The following BCAS3 variants were observed in gnomAD, a reference collection of about 807,000 sequenced individuals.
The protein encoded by BCAS3 is BCAS4/BCAS3 fusion.
A neutral mutation model predicts 116.1 loss-of-function variants in BCAS3; 53 were observed. That is an observed-to-expected ratio of 0.46 (90% CI 0.37 to 0.57). The LOEUF (loss-of-function observed/expected upper bound fraction) is 0.57, where lower values mean the gene tolerates loss of function less well. Ranked by LOEUF, BCAS3 falls within the 20% of genes least tolerant of loss-of-function variation. The pLI, the probability that BCAS3 is intolerant of heterozygous loss-of-function variation, is 0.00. For synonymous variants in BCAS3, 391 were observed against 408.2 expected, an observed-to-expected ratio of 0.96 and a Z score of 0.51; for missense variants, 917 against 1,165.4, an observed-to-expected ratio of 0.79 and a Z score of 3.10.
chr17:60,948,399 T>C (rs548511040), intron 14 of BCAS3, among the ~76,000 whole-genome samples: 39 of 152,108 alleles, frequency 2.6e-4, no homozygotes, highest in Non-Finnish European at 5.1e-4. Flanking sequence ...GCTGGGATTA[T>C]AGGCATGAGC....
At chr17:60,882,534 G>T (rs1180255217) in intron 9 of BCAS3, among the ~76,000 whole-genome samples, 1 of 152,208 alleles carries the variant, frequency 6.6e-6, no homozygotes, top group Non-Finnish European at 1.5e-5. Flanking sequence ...TGTCCTGAAT[G>T]GTCATGCCTA....
chr17:61,154,188 G>C (rs892694965), intron 22 of BCAS3, among the ~76,000 whole-genome samples: 1 of 152,002 alleles, frequency 6.6e-6, no homozygotes, highest in Non-Finnish European at 1.5e-5. Flanking sequence ...TGTCCTTTGA[G>C]GAAGGAAGGA....
At position 61,222,577 on chromosome 17, in the gene BCAS3, C is replaced by T. The variant is rs996016571; in HGVS notation, c.2425+138013C>T. ...ACATTTTTCTGTGAAATCTCAGGCT[C>T]CTGCCTCATGTCTCTGTAGCTTAGT... On this transcript the variant is annotated intron_variant, in intron 22 of 23. Transcript: ENST00000407086. This position sits in a 1 kb window ranked among gnomAD's most constrained non-coding sequence, Gnocchi z 6.1. Among the ~76,000 whole-genome samples, 3 of 152,118 alleles carry T rather than the reference C, an allele frequency of 2.0e-5. No homozygotes were observed. The highest frequency in any genetic ancestry group is 7.2e-5 in the African/African-American group (3 of 41,434).
chr17:60,818,319 G>T (rs1473767404), intron 7 of BCAS3, among the ~76,000 whole-genome samples: 3 of 152,322 alleles, frequency 2.0e-5, no homozygotes, highest in East Asian at 3.9e-4. Context: ...TCATGGAGTG[G>T]TATGTGGAAA....
chr17:61,157,785 A>G (rs2077946938), intron 22 of BCAS3, among the ~76,000 whole-genome samples: 1 of 152,134 alleles, frequency 6.6e-6, no homozygotes, highest in Admixed American at 6.5e-5. Context: ...ACAAACGGAC[A>G]CTGTTTCTCC....
chr17:60,758,019 C>T (rs1218420508), intron 6 of BCAS3, among the ~76,000 whole-genome samples: 1 of 152,012 alleles, frequency 6.6e-6, no homozygotes, highest in African/African-American at 2.4e-5. Flanking sequence ...AAGGTCTTTT[C>T]CCTTGTGTAT....
At chr17:60,693,124 C>T (rs1285463456) in intron 4 of BCAS3, among the ~76,000 whole-genome samples, 2 of 151,630 alleles carry the variant, frequency 1.3e-5, no homozygotes, top group Non-Finnish European at 2.9e-5. Context: ...CATCTGCCCG[C>T]TTTGGCCTCC....
At position 61,013,672 on chromosome 17, in the gene BCAS3, TG is replaced by T. The variant is rs2065253282; in HGVS notation, c.1487-2077del. Among the ~76,000 whole-genome samples the T allele has an allele frequency of 6.6e-6, 1 of 152,112 alleles. No homozygotes were observed. Among genetic ancestry groups the T allele is most frequent in the South Asian group, 2.1e-4 (1 of 4,832 alleles). ...GTTAACTTTAATGTGTATTCTGAAT[TG>T]GAAATTGAGGAGATAGAGAACGATT... On this transcript the variant is annotated intron_variant, in intron 15 of 23. Transcript: ENST00000407086. This position sits in a 1 kb window ranked among gnomAD's most constrained non-coding sequence, Gnocchi z 4.4.
intron 7 of BCAS3, among the ~76,000 whole-genome samples, chr17:60,850,774 T>C (rs575045811): frequency 1.8e-4 from 27 of 152,132 alleles, no homozygotes; most frequent in Non-Finnish European, 3.4e-4. Flanking sequence ...AATACTTTTA[T>C]TAGCAACAAA....
At chr17:60,763,303 G>C (rs1189096995) in intron 6 of BCAS3, among the ~76,000 whole-genome samples, 2 of 152,192 alleles carry the variant, frequency 1.3e-5, no homozygotes, top group African/African-American at 4.8e-5. Flanking sequence ...TCCAGTTTTT[G>C]CCCATTCAGT....
At chr17:60,896,159 C>T (rs1004663290) in intron 10 of BCAS3, among the ~76,000 whole-genome samples, 3 of 152,132 alleles carry the variant, frequency 2.0e-5, no homozygotes, top group Non-Finnish European at 4.4e-5. Flanking sequence ...AATGCTGTCT[C>T]TACTAAAAAT....
At chr17:61,038,355 C>A (rs1251676032) in intron 18 of BCAS3, among the ~76,000 whole-genome samples, 1 of 148,960 alleles carries the variant, frequency 6.7e-6, no homozygotes, top group Non-Finnish European at 1.5e-5. Flanking sequence ...TCAGCTCAAG[C>A]GATTCTCCTG....
Position 61,262,070 on chromosome 17 carries a change from C to T in BCAS3, c.2426-106257C>T, listed in dbSNP as rs1398794135. On this transcript the variant is annotated intron_variant, in intron 22 of 23. Coordinates refer to ENST00000407086, the MANE Select transcript of BCAS3 (RefSeq NM_017679.5). ...GAATAAGAATTGGAAGAAAATAGGA[C>T]ACAGCTGACCTTATTTGCAGATTAT... Among the ~76,000 whole-genome samples, 4 of 152,080 alleles carry T rather than the reference C, an allele frequency of 2.6e-5. No individual in the cohort carries two copies. In the East Asian group the frequency reaches 7.7e-4, roughly 29 times the overall value.
chr17:60,893,922 T>C (rs1321433672), intron 10 of BCAS3, among the ~76,000 whole-genome samples: 2 of 152,168 alleles, frequency 1.3e-5, no homozygotes, highest in African/African-American at 4.8e-5. Context: ...GTGTCTACTT[T>C]TGTACCAGTA....
Position 61,172,808 on chromosome 17 carries a change from A to AC in BCAS3, c.2425+88247dup, listed in dbSNP as rs548967239. On this transcript the variant is annotated intron_variant, in intron 22 of 23. Coordinates refer to ENST00000407086, the MANE Select transcript of BCAS3 (RefSeq NM_017679.5). ...AGACAATCCTGGCTAACACGGTGAA[A>AC]CCCATCTCTACTAAAAATACAAAAA... Among the ~76,000 whole-genome samples the AC allele has an allele frequency of 0.014, 2,070 of 150,758 alleles. 81 individuals carry two copies. In the East Asian group the frequency reaches 0.14, roughly 10 times the overall value.
intron 5 of BCAS3, among the ~76,000 whole-genome samples, chr17:60,730,201 GA>G (rs1333812283): frequency 6.6e-6 from 1 of 152,206 alleles, no homozygotes; most frequent in African/African-American, 2.4e-5. Flanking sequence ...GGCTGAAGGG[GA>G]AAGGTTAAAG....
intron 20 of BCAS3, 105 bp downstream of exon 20, chr17:61,075,125 T>A: frequency 1.2e-6 from 1 of 837,176 alleles, no homozygotes. Flanking sequence ...AACTCTTTAT[T>A]GGATTATCAA....
At chr17:61,154,164 G>A (rs2077697852) in intron 22 of BCAS3, among the ~76,000 whole-genome samples, 1 of 151,952 alleles carries the variant, frequency 6.6e-6, no homozygotes, top group African/African-American at 2.4e-5. Flanking sequence ...CCCTTGTTTT[G>A]TTTTGAACCA....
At chr17:61,194,659 A>G (rs2080367066) in intron 22 of BCAS3, among the ~76,000 whole-genome samples, 1 of 151,790 alleles carries the variant, frequency 6.6e-6, no homozygotes, top group Non-Finnish European at 1.5e-5. Context: ...AGAATCACTT[A>G]AACCTGAGAG....
Sources: gnomAD v4.1 joint callset for allele counts (sites outside exome capture counted in the v4.1 genomes callset) on GRCh38, gnomAD v4.1.1 for gene constraint, Gnocchi (gnomAD v3.1) non-coding constraint, MANE v1.5 for transcripts, NCBI Gene and HGNC (gene_info 2026-07-23, HGNC 2026-07-21) for gene names.